Variants in SH3TC2 observed in about 807,000 individuals in gnomAD.
The protein encoded by SH3TC2 is SH3 domain and tetratricopeptide repeat-containing protein 2.
A neutral mutation model predicts 124.5 loss-of-function variants in SH3TC2; 87 were observed. The ratio of observed to expected loss-of-function variants is 0.70; its 90% CI spans 0.59 to 0.84. The LOEUF (loss-of-function observed/expected upper bound fraction) is 0.84, where lower values mean the gene tolerates loss of function less well. Among genes scored for constraint, SH3TC2 ranks in the 40% least tolerant of loss-of-function variants. The probability of loss-of-function intolerance (pLI) is 0.00; values close to 1 mark genes in which losing one functional copy is unlikely to be tolerated. For missense variants in SH3TC2, 1,536 were observed against 1,566.4 expected (o/e 0.98, Z 0.33); for synonymous variants, 634 against 628.5 (o/e 1.01, Z -0.13).
At chr5:149,054,281 TTAA>T (rs1403627720) in intron 1 of SH3TC2, among the ~76,000 whole-genome samples, 2 of 152,250 alleles carry the variant, frequency 1.3e-5, no homozygotes, top group Non-Finnish European at 2.9e-5. Context: ...TAGATTTTTT[TTAA>T]TAATAAGTTC....
chr5:149,016,435 T>G (rs1305435180), intron 12 of SH3TC2, among the ~76,000 whole-genome samples: 1 of 152,212 alleles, frequency 6.6e-6, no homozygotes, highest in Non-Finnish European at 1.5e-5. Context: ...AGTTTTCTCA[T>G]GTGTGAAACT....
At chr5:149,013,874 T>C (rs1307956471) in intron 12 of SH3TC2, among the ~76,000 whole-genome samples, 1 of 152,166 alleles carries the variant, frequency 6.6e-6, no homozygotes, top group Non-Finnish European at 1.5e-5. Context: ...CCACACTATT[T>C]CCCAGTGTGT....
chr5:149,010,175 A>C, intron 14 of SH3TC2, 95 bp downstream of exon 14: 2 of 1,538,462 alleles, frequency 1.3e-6, no homozygotes, highest in Non-Finnish European at 1.8e-6. Context: ...AATACAAGCA[A>C]GAGAGGAGAA....
rs770552712 is a variant in SH3TC2, at chr5:149,042,813, T to C, written c.410A>G (p.His137Arg). 1 of 1,614,164 alleles carries C rather than the reference T, an allele frequency of 6.2e-7. No homozygotes were observed. The highest frequency in any genetic ancestry group is 1.1e-5 in the South Asian group (1 of 91,082). ...CCAGTACTTGTGGTCAAAGAGGAGA[T>C]GTTCTAGACACATGGATACGTAGCC... ...NLGYVSMCLE[H>R]LLFDHKYWLN... Residue 137 changes from histidine to arginine, a missense_variant, in exon 5 of 17, where the codon CAT becomes CGT. Physicochemically the swap from His to Arg is conservative, Grantham distance 29. This residue lies in a region of SH3TC2 where 1,102 missense variants were observed against 1,098.6 expected (regional missense o/e 1.00). Coordinates refer to ENST00000515425, the MANE Select transcript of SH3TC2 (RefSeq NM_024577.4).
chr5:149,027,098 A>G lies in SH3TC2; in HGVS notation c.2634T>C (p.Ala878=), dbSNP rs748974446. ...GGCTCAGGTGGCCAAGATTGGCCAT[A>G]GCCACTGCCTGGTTATGCACATCTC... ...EVGDVHNQAV[A]MANLGHLSLK... Residue 878 remains alanine (A), a synonymous_variant, in exon 11 of 17, where the codon GCT becomes GCC. Transcript: ENST00000515425. 2.5e-6 allele frequency: 4 copies of G among 1,614,170 alleles called. No individual in the cohort carries two copies. Among genetic ancestry groups the G allele is most frequent in the Non-Finnish European group, 3.4e-6 (4 of 1,180,022 alleles).
intron 7 of SH3TC2, among the ~76,000 whole-genome samples, chr5:149,040,112 A>G (rs1327446173): frequency 2.6e-5 from 4 of 152,148 alleles, no homozygotes; most frequent in Non-Finnish European, 4.4e-5. Context: ...GTGTGTGTGT[A>G]TATAATTCAT....
intron 12 of SH3TC2, among the ~76,000 whole-genome samples, chr5:149,019,316 G>A (rs1236110796): frequency 6.6e-6 from 1 of 151,770 alleles, no homozygotes; most frequent in Non-Finnish European, 1.5e-5. Context: ...TGTTCTGTAG[G>A]AGAAGGTGAT....
rs139257109 is a variant in SH3TC2 at position 149,028,667 on chromosome 5, C to T, written c.1177+10G>A. The T allele has an allele frequency of 3.8e-4, 614 of 1,614,172 alleles. 3 individuals carry two copies. In the African/African-American group the frequency reaches 4.5e-3, roughly 12 times the overall value. ...GGATGAATGTCAGGTTCAGCATGAT[C>T]GCTACTCACCACTCAGATCATTTGG... On this transcript the variant is annotated intron_variant, in intron 10 of 16. Coordinates refer to ENST00000515425, the MANE Select transcript of SH3TC2 (RefSeq NM_024577.4).
chr5:149,042,015 C>T (rs992064495), intron 5 of SH3TC2, among the ~76,000 whole-genome samples: 6 of 152,152 alleles, frequency 3.9e-5, no homozygotes, highest in Non-Finnish European at 8.8e-5. Context: ...AATATAATTA[C>T]TCCAATAAGT....
Position 149,042,832 on chromosome 5 carries a change from C to G in SH3TC2, c.391G>C (p.Val131Leu). The G allele has an allele frequency of 6.2e-7, 1 of 1,614,088 alleles. No individual in the cohort carries two copies. The highest frequency in any genetic ancestry group is 1.3e-5 in the African/African-American group (1 of 75,026). Reference sequence around the variant, plus strand: ...AGGAGATGTTCTAGACACATGGATACGTAGCCTAAGAAGTCAAGCCAACAA... The same window carrying G: ...AGGAGATGTTCTAGACACATGGATAGGTAGCCTAAGAAGTCAAGCCAACAA... Reference protein sequence around the residue: ...KFSTYLNLGYVSMCLEHLLFD... With the variant: ...KFSTYLNLGYLSMCLEHLLFD... Residue 131 changes from valine (V) to leucine (L), a missense_variant, in exon 5 of 17, where the codon GTA (valine) becomes CTA (leucine). This residue lies in a region of SH3TC2 where 1,102 missense variants were observed against 1,098.6 expected (regional missense o/e 1.00). Transcript: ENST00000515425.
chr5:149,040,693 T>C lies in SH3TC2; in HGVS notation c.732-16A>G, dbSNP rs201017707. ...TAGGAACCACCTGCCAATGAAAACA[T>C]GGGGTTTGCAAACACAGATTTCAAA... On this transcript the variant is annotated splice_polypyrimidine_tract_variant and intron_variant, in intron 6 of 16. Transcript: ENST00000515425. The C allele has an allele frequency of 3.7e-6, 6 of 1,613,084 alleles. No homozygotes were observed. The Admixed American group carries it at 8.3e-5, about 22-fold the overall frequency.
chr5:149,011,965 T>C (rs1334920936), intron 13 of SH3TC2, among the ~76,000 whole-genome samples: 1 of 152,200 alleles, frequency 6.6e-6, no homozygotes, highest in Admixed American at 6.5e-5. Flanking sequence ...ATATATAATT[T>C]TTGTTTTACT....
chr5:149,056,017 C>T (rs1034536729), intron 1 of SH3TC2, among the ~76,000 whole-genome samples: 2 of 152,138 alleles, frequency 1.3e-5, no homozygotes, highest in African/African-American at 2.4e-5. Flanking sequence ...TGAAAAGTCA[C>T]CACACTGTAC....
At chr5:149,037,463 C>A (rs1414786228) in intron 8 of SH3TC2, among the ~76,000 whole-genome samples, 2 of 152,148 alleles carry the variant, frequency 1.3e-5, no homozygotes, top group Non-Finnish European at 1.5e-5. Flanking sequence ...GAGCTTCTGC[C>A]CCTTGGTCTG....
chr5:149,019,658 T>G (rs1010157304), intron 12 of SH3TC2, among the ~76,000 whole-genome samples: 1 of 152,162 alleles, frequency 6.6e-6, no homozygotes, highest in Non-Finnish European at 1.5e-5. Context: ...ATTATCCAAA[T>G]AAAATGTTTC....
At chr5:149,016,644 C>T (rs181972637) in intron 12 of SH3TC2, among the ~76,000 whole-genome samples, 9 of 152,220 alleles carry the variant, frequency 5.9e-5, no homozygotes, top group South Asian at 4.1e-4. Context: ...AAAAGCCAGA[C>T]GGCTGGCGCG....
intron 1 of SH3TC2, chr5:149,062,424 G>A (rs747809395): frequency 1.3e-5 from 7 of 522,890 alleles, no homozygotes; most frequent in Non-Finnish European, 2.8e-5. Context: ...ACTCTCCCAT[G>A]AGTTGACAAT....
At position 148,998,606 on chromosome 5, in the gene SH3TC2, C is replaced by T. The variant is rs1561753556; in HGVS notation, c.*6105G>A. ...CAGCATCCTTCCCTCTCACCTGCCT[C>T]GCAGTCTGTACTGGGAAGCCAAGCC... On this transcript the variant is annotated 3_prime_UTR_variant, in exon 17 of 17. Transcript: ENST00000515425. Among the ~76,000 whole-genome samples the T allele has an allele frequency of 1.3e-5, 2 of 152,214 alleles. No individual in the cohort carries two copies. The highest frequency in any genetic ancestry group is 2.1e-4 in the South Asian group (1 of 4,834).
chr5:149,036,429 T>C (rs1464097919), intron 8 of SH3TC2, among the ~76,000 whole-genome samples: 1 of 152,158 alleles, frequency 6.6e-6, no homozygotes, highest in African/African-American at 2.4e-5. Context: ...CCTCTCTGCG[T>C]TCTCTCTTCC....
Sources: gnomAD v4.1 joint callset for allele counts (sites outside exome capture counted in the v4.1 genomes callset) on GRCh38, gnomAD v4.1.1 for gene constraint, gnomAD v4.1.1 regional missense constraint, MANE v1.5 for transcripts, NCBI Gene and HGNC (gene_info 2026-07-23, HGNC 2026-07-21) for gene names.